Variants in BRD2 observed in about 807,000 individuals in gnomAD.
The protein encoded by BRD2 is bromodomain containing 2, also known as bromodomain-containing protein 2.
Under a neutral mutation model 79.1 loss-of-function variants are expected in BRD2, and 15 were observed. The observed-to-expected ratio is 0.19, with a 90% CI of 0.13 to 0.29. The LOEUF (loss-of-function observed/expected upper bound fraction) is 0.29, where lower values mean the gene tolerates loss of function less well. Ranked by LOEUF, BRD2 falls within the 10% of genes least tolerant of loss-of-function variation. BRD2 has a pLI of 1.00. For missense variants in BRD2, 1,053 were observed against 991.3 expected (o/e 1.06, Z -0.84); for synonymous variants, 488 against 358.6 (o/e 1.36, Z -4.08).
chr6:32,973,107 A>G (rs756520301), intron 2 of BRD2, 180 bp downstream of exon 2: 2 of 1,558,706 alleles, frequency 1.3e-6, no homozygotes, highest in Admixed American at 1.9e-5. Context: ...CGGCTCGGCT[A>G]CTGCTCGTGG....
chr6:32,972,205 C>A lies in BRD2; in HGVS notation c.-694C>A. On this transcript the variant is annotated 5_prime_UTR_variant, in exon 2 of 13. Transcript: ENST00000374825. The stretch of plus-strand genomic sequence containing the variant: ...GGCGCGGGGCTCGGCGGCGCCATTT[C>A]GTGCTGGAGTGGAGCAGCCTCTAGA... 7.5e-6 allele frequency: 4 copies of A among 532,574 alleles called. No homozygotes were observed. Among genetic ancestry groups the A allele is most frequent in the Non-Finnish European group, 1.4e-5 (4 of 291,602 alleles). 33.0% of individuals were successfully genotyped at this position (532,574 alleles called of 1,614,324 possible). A position where few individuals can be genotyped will look rare whatever the true frequency, so the allele number is the denominator to read the frequency against.
rs1778699511 is a variant in BRD2 at position 32,976,035 on chromosome 6, CTGA to C, written c.481_483del (p.Asp161del). The C allele has an allele frequency of 1.2e-6, 2 of 1,602,666 alleles. No homozygotes were observed. The highest frequency in any genetic ancestry group is 1.7e-6 in the Non-Finnish European group (2 of 1,176,740). ...TTGCTGTCTGTGTTCTCATAGCCCA[CTGA>C]TGATATTGTCCTAATGGCACAAACG... On this transcript the variant is annotated inframe_deletion, in exon 5 of 13. Coordinates refer to ENST00000374825, the MANE Select transcript of BRD2 (RefSeq NM_005104.4).
Position 32,976,608 on chromosome 6 carries a change from C to T in BRD2, c.872C>T (p.Thr291Ile), listed in dbSNP as rs2127516711. Residue 291 changes from threonine (T) to isoleucine (I), a missense_variant, in exon 7 of 13, where the codon ACA becomes ATA. Coordinates refer to ENST00000374825, the MANE Select transcript of BRD2 (RefSeq NM_005104.4). ...RKADTTTPTP[T>I]AILAPGSPAS... Reference sequence around the variant, plus strand: ...GCAGATACTACCACCCCTACACCTACAGCCATCTTGGCTCCTGGTTCTCCA... The same window carrying T: ...GCAGATACTACCACCCCTACACCTATAGCCATCTTGGCTCCTGGTTCTCCA... 4 of 1,610,130 alleles carry T rather than the reference C, an allele frequency of 2.5e-6. No individual in the cohort carries two copies. Among genetic ancestry groups the T allele is most frequent in the Non-Finnish European group, 3.4e-6 (4 of 1,179,426 alleles).
chr6:32,969,478 G>A (rs1199735645), intron 1 of BRD2: 2 of 607,506 alleles, frequency 3.3e-6, no homozygotes, highest in Non-Finnish European at 6.2e-6. Flanking sequence ...GTGAACTGAG[G>A]TTGTTCCCAG....
In BRD2 at chr6:32,979,811, A is replaced by G; in HGVS notation, c.1842-17A>G. The G allele has an allele frequency of 1.2e-6, 2 of 1,601,816 alleles. No individual in the cohort carries two copies. Among genetic ancestry groups the G allele is most frequent in the Non-Finnish European group, 1.7e-6 (2 of 1,174,542 alleles). On this transcript the variant is annotated splice_polypyrimidine_tract_variant and intron_variant, in intron 10 of 12. Transcript: ENST00000374825. ...GTTAATGAAGCTTCTTTTGCTGACA[A>G]CTCTTTTTGCCCTTAGGCTCCCCAA...
At position 32,979,990 on chromosome 6, in the gene BRD2, A is replaced by G; in HGVS notation, c.2004A>G (p.Ile668Met). ...PGEKLGRVVHIIQAREPSLRD... is the reference protein window; with the variant it reads ...PGEKLGRVVHMIQAREPSLRD... ...AGAAGCTGGGCCGAGTTGTGCATAT[A>G]ATCCAAGCCAGGGAGCCCTCTTTAC... Residue 668 changes from isoleucine to methionine, a missense_variant, in exon 11 of 13, where the codon ATA becomes ATG. Coordinates refer to ENST00000374825, the MANE Select transcript of BRD2 (RefSeq NM_005104.4). The G allele has an allele frequency of 6.2e-7, 1 of 1,613,156 alleles. No homozygotes were observed. The highest frequency in any genetic ancestry group is 1.7e-5 in the Admixed American group (1 of 60,022).
At chr6:32,975,938 GC>G in intron 4 of BRD2, 92 bp from the exon 5 acceptor site, 2 of 1,412,576 alleles carry the variant, frequency 1.4e-6, no homozygotes, top group Non-Finnish European at 1.9e-6. Context: ...TATGGTAATG[GC>G]CTAGGGCCTG....
At chr6:32,979,015 G>GTTTTTGGT in intron 10 of BRD2, 1 of 149,922 alleles carries the variant, frequency 6.7e-6, no homozygotes, top group East Asian at 2.0e-4. Context: ...TGGCGTAGTA[G>GTTTTTGGT]TTTTTGGTTT....
chr6:32,970,612 G>A (rs1777856532), intron 1 of BRD2: 1 of 152,314 alleles, frequency 6.6e-6, no homozygotes, highest in Admixed American at 6.5e-5. Context: ...GCGAAGAAAG[G>A]GGAAACGGGG....
In BRD2 at chr6:32,972,719, C is replaced by T. The variant is rs1561927408; in HGVS notation, c.-180C>T. 4.5e-6 allele frequency: 4 copies of T among 890,936 alleles called. No individual in the cohort carries two copies. Among genetic ancestry groups the T allele is most frequent in the Non-Finnish European group, 6.9e-6 (4 of 583,704 alleles). 55.2% of individuals were successfully genotyped at this position (890,936 alleles called of 1,614,324 possible). ...AGAGCGCGCCAAGCTGCCCGGAGCT[C>T]TCCGAGAGGCCCCAAAGAGACTGCT... On this transcript the variant is annotated 5_prime_UTR_variant, in exon 2 of 13. Transcript: ENST00000374825.
In BRD2 at chr6:32,977,903, GGAA is replaced by G. The variant is rs755275645; in HGVS notation, c.1479_1481del (p.Glu497del). On this transcript the variant is annotated inframe_deletion, in exon 9 of 13. Transcript: ENST00000374825. ...AAAGTAGCAGTGAGAGCTCCTCTGA[GGAA>G]GAGGAGGAGGAAGATGAGGAGGACG... is the stretch of plus-strand genomic sequence containing the variant. 8 of 1,612,814 alleles carry G rather than the reference GGAA, an allele frequency of 5.0e-6. No homozygotes were observed. Among genetic ancestry groups the G allele is most frequent in the South Asian group, 1.1e-5 (1 of 91,060 alleles).
chr6:32,975,210 A>T (rs1328857934), intron 3 of BRD2, 174 bp from the exon 4 acceptor site: 4 of 1,075,254 alleles, frequency 3.7e-6, no homozygotes, highest in Middle Eastern at 2.6e-4. Context: ...AATCTTTTTT[A>T]TTTATTTATT....
In BRD2 at chr6:32,980,649, C is replaced by A; in HGVS notation, c.2337C>A (p.Ser779=). ...TGTCACGCCTTAGCGCTTCCAGCTC[C>A]AGCTCAGATTCCAGCTCCTCCTCTT... ...VAVSRLSASS[S]SSDSSSSSSS... Residue 779 remains serine, a synonymous_variant, in exon 13 of 13, where the codon TCC becomes TCA. Coordinates refer to ENST00000374825, the MANE Select transcript of BRD2 (RefSeq NM_005104.4). The A allele has an allele frequency of 6.2e-7, 1 of 1,613,134 alleles. No individual in the cohort carries two copies. The highest frequency in any genetic ancestry group is 1.6e-4 in the Middle Eastern group (1 of 6,062).
intron 10 of BRD2, 64 bp downstream of exon 10, chr6:32,978,452 C>T (rs574090646): frequency 1.3e-6 from 2 of 1,562,086 alleles, no homozygotes; most frequent in Non-Finnish European, 1.7e-6. Context: ...GATGCCATCT[C>T]TCTTTGCAAA....
intron 1 of BRD2, among the ~76,000 whole-genome samples, chr6:32,969,527 C>G (rs1306589664): frequency 1.3e-5 from 2 of 152,200 alleles, no homozygotes; most frequent in African/African-American, 2.4e-5. Flanking sequence ...CTGGAGGGAG[C>G]ATTGCTGTGC....
In BRD2 at chr6:32,972,697, G is replaced by A. The variant is rs1321133117; in HGVS notation, c.-202G>A. On this transcript the variant is annotated 5_prime_UTR_variant, in exon 2 of 13. Transcript: ENST00000374825. Reference sequence around the variant, plus strand: ...TTTCTTGCTGTCCGCCGTCTGCAGAGCGCGCCAAGCTGCCCGGAGCTCTCC... The same window carrying A: ...TTTCTTGCTGTCCGCCGTCTGCAGAACGCGCCAAGCTGCCCGGAGCTCTCC... The A allele has an allele frequency of 5.7e-6, 4 of 705,566 alleles. No homozygotes were observed. Among genetic ancestry groups the A allele is most frequent in the South Asian group, 1.8e-5 (1 of 54,836 alleles). 43.7% of individuals were successfully genotyped at this position (705,566 alleles called of 1,614,324 possible).
chr6:32,977,280 C>A, intron 7 of BRD2, 162 bp from the exon 8 acceptor site: 1 of 1,578,138 alleles, frequency 6.3e-7, no homozygotes, highest in African/African-American at 1.3e-5. Context: ...TTCTTCAACC[C>A]ACCCAAATTC....
intron 2 of BRD2, among the ~76,000 whole-genome samples, chr6:32,973,989 C>T (rs762505300): frequency 3.9e-5 from 6 of 152,086 alleles, no homozygotes; most frequent in Admixed American, 1.3e-4. Flanking sequence ...TATTCTGTGT[C>T]TTATCAGCAT....
Position 32,971,700 on chromosome 6 carries a change from G to T in BRD2, c.-1199G>T, listed in dbSNP as rs1435256794. The T allele has an allele frequency of 3.9e-6, 2 of 519,350 alleles. No homozygotes were observed. The highest frequency in any genetic ancestry group is 6.8e-6 in the Non-Finnish European group (2 of 295,058). The allele number at this position is 519,350 out of a possible 1,614,324, so 32.2% of individuals were successfully genotyped here. A position where few individuals can be genotyped will look rare whatever the true frequency, so the allele number is the denominator to read the frequency against. ...AGGCTACGCCCACGCGACCCCTCCC[G>T]TTTCCCTGCTTTGGCCAATGGAGGA... On this transcript the variant is annotated 5_prime_UTR_variant, in exon 2 of 13. Coordinates refer to ENST00000374825, the MANE Select transcript of BRD2 (RefSeq NM_005104.4).
Sources: allele counts gnomAD v4.1 joint callset (sites outside exome capture counted in the v4.1 genomes callset), GRCh38; gene constraint gnomAD v4.1.1; transcripts MANE v1.5; gene names NCBI Gene and HGNC (gene_info 2026-07-23, HGNC 2026-07-21).